ZFPM1: variants seen among roughly 807,000 people sequenced by gnomAD.
The protein encoded by ZFPM1 is zinc finger protein, FOG family member 1.
Under a neutral mutation model 46.3 loss-of-function variants are expected in ZFPM1, and 28 were observed. That is an observed-to-expected ratio of 0.60 (90% CI 0.45 to 0.83). The LOEUF is 0.83. ZFPM1 is among the 40% of genes least tolerant of loss of function. The pLI, the probability that ZFPM1 is intolerant of heterozygous loss-of-function variation, is 0.00. For missense variants in ZFPM1, 1,878 were observed against 1,432.4 expected (o/e 1.31, Z -5.02); for synonymous variants, 957 against 675.9 (o/e 1.42, Z -6.45).
At chr16:88,517,520 T>TGGA (rs1346531915) in intron 4 of ZFPM1, among the ~76,000 whole-genome samples, 1 of 81,136 alleles carries the variant, frequency 1.2e-5, no homozygotes, top group Non-Finnish European at 2.7e-5. Context: ...GGATGGATGG[T>TGGA]TGGATAGGTG....
rs1597290495 is a variant in ZFPM1, at chr16:88,533,136, ATC to A, written c.1190-6_1190-5del. 1.4e-6 allele frequency: 2 copies of A among 1,413,780 alleles called. No individual in the cohort carries two copies. The highest frequency in any genetic ancestry group is 1.5e-5 in the African/African-American group (1 of 68,374). 87.6% of individuals were successfully genotyped at this position (1,413,780 alleles called of 1,614,324 possible). On this transcript the variant is annotated splice_polypyrimidine_tract_variant and intron_variant, in intron 9 of 9. Transcript: ENST00000319555. ...CCAGGCCTGAGGTGCCACCCCTGCG[ATC>A]TCTCTGCAGACAGTCTGGGCAGCTT...
At chr16:88,493,291 T>C (rs74035504) in intron 3 of ZFPM1, among the ~76,000 whole-genome samples, 22,419 of 97,012 alleles carry the variant, frequency 0.23, 2,389 homozygotes, top group Middle Eastern at 0.42. Flanking sequence ...GGAGAGCTGT[T>C]CCGGGGTGGA....
upstream of ZFPM1, among the ~76,000 whole-genome samples, chr16:88,452,108 C>T (rs934549359): frequency 1.3e-5 from 2 of 152,208 alleles, no homozygotes; most frequent in Non-Finnish European, 2.9e-5. Flanking sequence ...CCTGGGCCCA[C>T]TGACGCCCGT....
chr16:88,491,130 T>TTCG (rs1242608472), intron 3 of ZFPM1, among the ~76,000 whole-genome samples: 1 of 152,128 alleles, frequency 6.6e-6, no homozygotes, highest in African/African-American at 2.4e-5. Context: ...TGCTGGTGCC[T>TTCG]CAGGCCTTCG....
chr16:88,452,460 C>T (rs1017516526), upstream of ZFPM1, among the ~76,000 whole-genome samples: 3 of 152,226 alleles, frequency 2.0e-5, no homozygotes, highest in African/African-American at 7.2e-5. Context: ...GTGGCAACGC[C>T]CAGGGCTGCC....
At chr16:88,478,981 G>A (rs1040639055) in intron 1 of ZFPM1, among the ~76,000 whole-genome samples, 6 of 152,226 alleles carry the variant, frequency 3.9e-5, no homozygotes, top group East Asian at 1.9e-4. Context: ...TCGAGGCTCC[G>A]AGGGCGTGTG....
At position 88,533,272 on chromosome 16, in the gene ZFPM1, C is replaced by G; in HGVS notation, c.1314C>G (p.Asn438Lys). 2.0e-6 allele frequency: 3 copies of G among 1,493,772 alleles called. No homozygotes were observed. The highest frequency in any genetic ancestry group is 2.6e-6 in the Non-Finnish European group (3 of 1,132,360). The allele number at this position is 1,493,772 out of a possible 1,614,324, so 92.5% of individuals were successfully genotyped here. A position where few individuals can be genotyped will look rare whatever the true frequency, so the allele number is the denominator to read the frequency against. ...LDRKALAEAT[N>K]GEARAEPLAQ... Reference sequence around the variant, plus strand: ...GAAAGGCCCTGGCCGAGGCCACCAACGGAGAGGCCAGAGCGGAGCCTCTGG... The same window carrying G: ...GAAAGGCCCTGGCCGAGGCCACCAAGGGAGAGGCCAGAGCGGAGCCTCTGG... The change falls in exon 10 of 10, where the codon AAC (asparagine) becomes AAG (lysine). Residue 438 changes from asparagine to lysine, a missense_variant. By Grantham distance (94) the Asn-to-Lys change is moderately conservative. Transcript: ENST00000319555.
chr16:88,516,689 T>G, intron 4 of ZFPM1: 1 of 398,162 alleles, frequency 2.5e-6, no homozygotes, highest in Non-Finnish European at 4.4e-6. Context: ...AGCGGGCCCC[T>G]GTCGCTCTTG....
chr16:88,533,447 C>T lies in ZFPM1; in HGVS notation c.1489C>T (p.Pro497Ser). ...GACGCCGTCGCCGCGCAGCCCCGCC[C>T]CGGCCAGGGTCAAGGCCGAGCTGTC... Reference protein sequence around the residue: ...SRTPSPRSPAPARVKAELSSP... With the variant: ...SRTPSPRSPASARVKAELSSP... Residue 497 changes from proline to serine, a missense_variant, in exon 10 of 10, where the codon CCG becomes TCG. Transcript: ENST00000319555. The T allele has an allele frequency of 4.8e-6, 7 of 1,445,700 alleles. No individual in the cohort carries two copies. The highest frequency in any genetic ancestry group is 6.3e-6 in the Non-Finnish European group (7 of 1,108,568). 89.6% of individuals were successfully genotyped at this position (1,445,700 alleles called of 1,614,324 possible).
Position 88,492,871 on chromosome 16 carries a change from C to T in ZFPM1, c.268+3718C>T, listed in dbSNP as rs145771460. Among the ~76,000 whole-genome samples the T allele has an allele frequency of 1.3e-3, 201 of 152,312 alleles. 3 individuals are homozygous for T. The East Asian group carries it at 0.034, about 26-fold the overall frequency. ...GGACACCCAAGAGGCCCCCAACACC[C>T]GCTGCACACATAAGTGAGTTCCTGG... On this transcript the variant is annotated intron_variant, in intron 3 of 9. Coordinates refer to ENST00000319555, the MANE Select transcript of ZFPM1 (RefSeq NM_153813.3).
Position 88,526,842 on chromosome 16 carries a change from A to C in ZFPM1, c.431A>C (p.Asp144Ala), listed in dbSNP as rs1277282037. ...PSPALTLLLV[D>A]EACWLRTLPQ... The stretch of plus-strand genomic sequence containing the variant: ...CCAGCCCTGACCCTGCTGCTGGTGG[A>C]CGAGGCCTGCTGGCTGAGGACGCTG... The change falls in exon 5 of 10, where the codon GAC becomes GCC. Residue 144 changes from aspartate to alanine, a missense_variant. Asp to Ala is a moderately radical substitution (Grantham distance 126). Transcript: ENST00000319555. 2.2e-6 allele frequency: 3 copies of C among 1,336,948 alleles called. No individual in the cohort carries two copies. The African/African-American group carries it at 4.3e-5, about 19-fold the overall frequency. 82.8% of individuals were successfully genotyped at this position (1,336,948 alleles called of 1,614,324 possible).
In ZFPM1 at chr16:88,532,193, C is replaced by T; in HGVS notation, c.904C>T (p.Pro302Ser). The change falls in exon 7 of 10, where the codon CCC becomes TCC. Residue 302 changes from proline to serine, a missense_variant. Physicochemically the swap from Pro to Ser is moderately conservative, Grantham distance 74. Transcript: ENST00000319555. ...CPFPQCRKSCPSASSLEIHMR... is the reference protein window; with the variant it reads ...CPFPQCRKSCSSASSLEIHMR... Reference sequence around the variant, plus strand: ...CTTCCCCCAGTGCCGCAAGAGCTGCCCCAGCGCCAGCTCCCTGGAGATCCA... The same window carrying T: ...CTTCCCCCAGTGCCGCAAGAGCTGCTCCAGCGCCAGCTCCCTGGAGATCCA... 1 of 1,610,294 alleles carries T rather than the reference C, an allele frequency of 6.2e-7. No individual in the cohort carries two copies. Among genetic ancestry groups the T allele is most frequent in the Non-Finnish European group, 8.5e-7 (1 of 1,178,080 alleles).
chr16:88,526,803 T>A lies in ZFPM1; in HGVS notation c.403-11T>A, dbSNP rs62049007. 87 of 355,352 alleles carry A rather than the reference T, an allele frequency of 2.4e-4. 5 individuals are homozygous for A. The highest frequency in any genetic ancestry group is 1.5e-3 in the South Asian group (22 of 14,424). 22.0% of individuals were successfully genotyped at this position (355,352 alleles called of 1,614,324 possible). ...GACCCCTCCCCACGTGTTCCTACCC[T>A]CCCCCCCCAGAGCCCAGCCCTGACC... is the stretch of plus-strand genomic sequence containing the variant. On this transcript the variant is annotated splice_polypyrimidine_tract_variant and intron_variant, in intron 4 of 9. Coordinates refer to ENST00000319555, the MANE Select transcript of ZFPM1 (RefSeq NM_153813.3).
intron 4 of ZFPM1, among the ~76,000 whole-genome samples, chr16:88,523,373 C>G (rs900188997): frequency 6.6e-6 from 1 of 152,184 alleles, no homozygotes; most frequent in Non-Finnish European, 1.5e-5. Context: ...GACCCGTGCC[C>G]GGCCAGCCCC....
At chr16:88,455,363 C>T in intron 1 of ZFPM1, among the ~76,000 whole-genome samples, 1 of 152,122 alleles carries the variant, frequency 6.6e-6, no homozygotes, top group East Asian at 1.9e-4. Context: ...GCGGCCCATC[C>T]TCGTTGCGGC....
intron 1 of ZFPM1, among the ~76,000 whole-genome samples, chr16:88,481,502 A>G (rs566329952): frequency 3.7e-4 from 54 of 144,152 alleles, no homozygotes; most frequent in African/African-American, 1.4e-3. Context: ...TGGTTTACTC[A>G]CCTGTAAAGT....
intron 5 of ZFPM1, 88 bp downstream of exon 5, chr16:88,527,004 C>A: frequency 4.7e-6 from 7 of 1,479,680 alleles, no homozygotes; most frequent in Non-Finnish European, 5.4e-6. Flanking sequence ...AAAGGGAAAC[C>A]AGCCTGCTAG....
chr16:88,528,120 C>T lies in ZFPM1; in HGVS notation c.594C>T (p.Pro198=), dbSNP rs564216837. The T allele has an allele frequency of 2.2e-5, 35 of 1,591,286 alleles. 1 individual carries two copies. Among genetic ancestry groups the T allele is most frequent in the East Asian group, 1.4e-4 (6 of 43,758 alleles). Residue 198 remains proline, a synonymous_variant, in exon 6 of 10, where the codon CCC becomes CCT. Transcript: ENST00000319555. ...TCACGGCCGAGCCCCACAGCACCCCCGGCCACCCTGTGAAGAAGGAGCCAG... is the reference window on the plus strand; with the variant it reads ...TCACGGCCGAGCCCCACAGCACCCCTGGCCACCCTGTGAAGAAGGAGCCAG... ...VLLTAEPHST[P]GHPVKKEPAE... is the part of the protein sequence containing the mutation.
intron 1 of ZFPM1, 105 bp downstream of exon 1, chr16:88,453,783 G>A: frequency 3.0e-6 from 2 of 658,722 alleles, no homozygotes; most frequent in Non-Finnish European, 3.8e-6. Flanking sequence ...GGGCGCCGGC[G>A]ACCTTCACCC....
Sources: allele counts gnomAD v4.1 joint callset (sites outside exome capture counted in the v4.1 genomes callset), GRCh38; gene constraint gnomAD v4.1.1; transcripts MANE v1.5; gene names NCBI Gene and HGNC (gene_info 2026-07-23, HGNC 2026-07-21).